DYNC2H1: variants seen among roughly 807,000 people sequenced by gnomAD.
DYNC2H1 encodes the protein cytoplasmic dynein 2 heavy chain 1.
A neutral mutation model predicts 570.0 loss-of-function variants in DYNC2H1; 410 were observed. That is an observed-to-expected ratio of 0.72 (90% CI 0.66 to 0.78). The LOEUF (loss-of-function observed/expected upper bound fraction) is 0.78. Ranked by LOEUF, DYNC2H1 falls within the 30% of genes least tolerant of loss-of-function variation. DYNC2H1 has a pLI of 0.00. For synonymous variants in DYNC2H1, 1,688 were observed against 1,677.6 expected, an observed-to-expected ratio of 1.01 and a Z score of -0.15; for missense variants, 4,865 against 5,046.4, an observed-to-expected ratio of 0.96 and a Z score of 1.09.
At chr11:103,307,959 T>C (rs1565482696) in intron 78 of DYNC2H1, 128 bp downstream of exon 78, 2 of 447,314 alleles carry the variant, frequency 4.5e-6, no homozygotes, top group Non-Finnish European at 7.9e-6. Context: ...GAGGTATACA[T>C]AGATAATAGC....
chr11:103,409,656 G>C (rs1943001471), intron 84 of DYNC2H1: 1 of 153,908 alleles, frequency 6.5e-6, no homozygotes, highest in Admixed American at 6.5e-5. Flanking sequence ...CTGGTATAGG[G>C]AGTTGTCTAA....
At chr11:103,293,552 T>C (rs896627617) in intron 75 of DYNC2H1, among the ~76,000 whole-genome samples, 1 of 152,178 alleles carries the variant, frequency 6.6e-6, no homozygotes, top group African/African-American at 2.4e-5. Context: ...CAATAAGTTA[T>C]AGATTTGTCC....
At chr11:103,380,535 T>C (rs1941600010) in intron 83 of DYNC2H1, among the ~76,000 whole-genome samples, 1 of 151,814 alleles carries the variant, frequency 6.6e-6, no homozygotes, top group South Asian at 2.1e-4. Context: ...CAGGGAAGAC[T>C]TTTTTTTGGA....
chr11:103,141,754 A>G (rs1169340215), intron 17 of DYNC2H1, among the ~76,000 whole-genome samples: 5 of 152,348 alleles, frequency 3.3e-5, no homozygotes, highest in African/African-American at 1.2e-4. Context: ...TGTCAGTGAC[A>G]TTTAATTCTG....
chr11:103,391,903 C>G (rs1385718803), intron 83 of DYNC2H1, among the ~76,000 whole-genome samples: 2 of 119,092 alleles, frequency 1.7e-5, no homozygotes, highest in African/African-American at 5.1e-5. Flanking sequence ...GTCATTGTGC[C>G]CCTACTGGGG....
At chr11:103,141,569 G>A (rs1053839694) in intron 17 of DYNC2H1, among the ~76,000 whole-genome samples, 1 of 152,178 alleles carries the variant, frequency 6.6e-6, no homozygotes, top group Non-Finnish European at 1.5e-5. Flanking sequence ...TGGAAGTTTT[G>A]TCTCAGAGGA....
chr11:103,292,972 G>C (rs76635755), intron 75 of DYNC2H1, among the ~76,000 whole-genome samples: 1 of 152,134 alleles, frequency 6.6e-6, no homozygotes, highest in South Asian at 2.1e-4. Flanking sequence ...CTTACACACC[G>C]CAATTACAGT....
chr11:103,224,735 T>C (rs1863738237), intron 59 of DYNC2H1, among the ~76,000 whole-genome samples: 1 of 152,210 alleles, frequency 6.6e-6, no homozygotes, highest in African/African-American at 2.4e-5. Flanking sequence ...CTTTTCCATA[T>C]AATGCCTTCT....
chr11:103,398,165 A>G (rs536036929), intron 83 of DYNC2H1, among the ~76,000 whole-genome samples: 1 of 152,306 alleles, frequency 6.6e-6, no homozygotes, highest in East Asian at 1.9e-4. Flanking sequence ...TTTTAATATA[A>G]AGGATTACAG....
chr11:103,206,701 G>A (rs1262923254), intron 52 of DYNC2H1, among the ~76,000 whole-genome samples: 3 of 152,142 alleles, frequency 2.0e-5, no homozygotes, highest in Non-Finnish European at 4.4e-5. Flanking sequence ...AACAATGAAA[G>A]TAGATAAGGA....
chr11:103,191,516 G>A lies in DYNC2H1; in HGVS notation c.7438-1G>A. On this transcript the variant is annotated splice_acceptor_variant, in intron 45 of 88. Coordinates refer to ENST00000375735, the MANE Select transcript of DYNC2H1 (RefSeq NM_001377.3). LOFTEE classifies it high-confidence loss of function. The stretch of plus-strand genomic sequence containing the variant: ...ATTGTTTACTGTATTTTCTTTTTCA[G>A]GTGCGAGCCAAATTTACAGTTGATG... 1 of 1,596,834 alleles carries A rather than the reference G, an allele frequency of 6.3e-7. No individual in the cohort carries two copies. Among genetic ancestry groups the A allele is most frequent in the Non-Finnish European group, 8.5e-7 (1 of 1,170,118 alleles).
rs149139922 is a variant in DYNC2H1, at chr11:103,455,021, A to G, written c.12457-165A>G. On this transcript the variant is annotated intron_variant, in intron 85 of 88. Transcript: ENST00000375735. ...ATGGATGGATATTATGCCAAATTGC[A>G]ATGCCAGACTTTACAATGTAAAATG... The G allele has an allele frequency of 1.4e-5, 7 of 513,798 alleles. No individual in the cohort carries two copies. The East Asian group carries it at 2.1e-4, about 15-fold the overall frequency. 31.8% of individuals were successfully genotyped at this position (513,798 alleles called of 1,614,324 possible).
Position 103,435,986 on chromosome 11 carries a change from C to A in DYNC2H1, c.12410C>A (p.Pro4137His), listed in dbSNP as rs761765709. The part of the protein sequence containing the change: ...WQSKWEGPED[P>H]LQYLRGLVAR... ...AGCAAGTGGGAAGGCCCAGAAGATC[C>A]CTTACAATACCTGAGAGGTCTTGTT... The change falls in exon 85 of 89, where the codon CCC becomes CAC. Residue 4137 changes from proline (P) to histidine (H), a missense_variant. Pro to His is a moderately conservative substitution (Grantham distance 77). Around this residue, in one of 5 missense-constraint regions of DYNC2H1, gnomAD observed 2,401 missense variants for 2,454.6 expected, o/e 0.98. Coordinates refer to ENST00000375735, the MANE Select transcript of DYNC2H1 (RefSeq NM_001377.3). 6.2e-7 allele frequency: 1 copy of A among 1,612,586 alleles called. No individual in the cohort carries two copies. The highest frequency in any genetic ancestry group is 1.7e-5 in the Admixed American group (1 of 59,832).
chr11:103,160,884 T>G, intron 28 of DYNC2H1, 48 bp from the exon 29 acceptor site: 5 of 1,058,080 alleles, frequency 4.7e-6, no homozygotes, highest in Non-Finnish European at 6.8e-6. Context: ...TATCTAATAA[T>G]TATGTCTTTA....
chr11:103,294,040 CTG>C (rs1195127727), intron 75 of DYNC2H1, among the ~76,000 whole-genome samples: 1 of 152,182 alleles, frequency 6.6e-6, no homozygotes, highest in Non-Finnish European at 1.5e-5. Context: ...GATTACACCA[CTG>C]CACTCCAGCC....
chr11:103,381,661 C>G (rs577810682), intron 83 of DYNC2H1, among the ~76,000 whole-genome samples: 1 of 152,296 alleles, frequency 6.6e-6, no homozygotes, highest in East Asian at 1.9e-4. Context: ...CTTGGCCAGG[C>G]TGGTCTTGAA....
chr11:103,455,578 A>G (rs1051800239), intron 86 of DYNC2H1, among the ~76,000 whole-genome samples: 2 of 152,210 alleles, frequency 1.3e-5, no homozygotes, highest in Admixed American at 6.5e-5. Flanking sequence ...GGTAGCCAGA[A>G]GTCACATGGA....
In DYNC2H1 at chr11:103,280,432, G is replaced by T. The variant is rs746793305; in HGVS notation, c.10761+19G>T. The T allele has an allele frequency of 1.9e-6, 3 of 1,549,052 alleles. No individual in the cohort carries two copies. Among genetic ancestry groups the T allele is most frequent in the African/African-American group, 2.7e-5 (2 of 73,054 alleles). Reference sequence around the variant, plus strand: ...AGAAAATGTAAGTCAAATTAAAGGAGAGAAATTTTACAGTAACATAGAAAT... The same window carrying T: ...AGAAAATGTAAGTCAAATTAAAGGATAGAAATTTTACAGTAACATAGAAAT... On this transcript the variant is annotated intron_variant, in intron 71 of 88. Transcript: ENST00000375735. The surrounding 1 kb of genome is among the most constrained non-coding windows in gnomAD (Gnocchi z 4.7).
In DYNC2H1 at chr11:103,405,135, C is replaced by T. The variant is rs566189279; in HGVS notation, c.12366+5263C>T. The T allele has an allele frequency of 2.6e-5, 4 of 151,480 alleles. No homozygotes were observed. In the East Asian group the frequency reaches 5.8e-4, roughly 22 times the overall value. The allele number at this position is 151,480 out of a possible 1,614,324, so 9.4% of individuals were successfully genotyped here. On this transcript the variant is annotated intron_variant, in intron 84 of 88. Transcript: ENST00000375735. ...AATAAGGATATAGACTTCAGGGTGACCAAAGAATCAGAATAAATGTTGATA... is the reference window on the plus strand; with the variant it reads ...AATAAGGATATAGACTTCAGGGTGATCAAAGAATCAGAATAAATGTTGATA...
Sources: gnomAD v4.1 joint callset for allele counts (sites outside exome capture counted in the v4.1 genomes callset) on GRCh38, gnomAD v4.1.1 for gene constraint, gnomAD v4.1.1 regional missense constraint, Gnocchi (gnomAD v3.1) non-coding constraint, MANE v1.5 for transcripts, NCBI Gene and HGNC (gene_info 2026-07-23, HGNC 2026-07-21) for gene names.